ARB2A: variants seen among roughly 807,000 people sequenced by gnomAD.
ARB2A encodes the protein ARB2 cotranscriptional regulator A, also known as cotranscriptional regulator ARB2A.
At chr5:93,882,655 G>A in the ARB2A span, among the ~76,000 whole-genome samples, 2 of 151,164 alleles carry the variant, frequency 1.3e-5, no homozygotes, top group Non-Finnish European at 3.0e-5. Flanking sequence ...ACAAGCATGG[G>A]TAACACAAAT....
At chr5:94,091,429 G>C in the ARB2A span, among the ~76,000 whole-genome samples, 1 of 152,160 alleles carries the variant, frequency 6.6e-6, no homozygotes, top group Non-Finnish European at 1.5e-5. Flanking sequence ...CCACCTTGAA[G>C]AAAGTAGTTA....
At chr5:93,696,875 A>C in the ARB2A span, among the ~76,000 whole-genome samples, 132 of 152,098 alleles carry the variant, frequency 8.7e-4, 1 homozygote, top group African/African-American at 3.0e-3. Flanking sequence ...CAGCCTGGCC[A>C]ACATGGTGAA....
At chr5:93,824,104 C>G in the ARB2A span, 1 of 1,479,250 alleles carries the variant, frequency 6.8e-7, no homozygotes, top group Non-Finnish European at 9.0e-7. Flanking sequence ...AGGGGATAAA[C>G]CTACAAGGAG....
At chr5:93,928,754 G>C in the ARB2A span, among the ~76,000 whole-genome samples, 1 of 152,034 alleles carries the variant, frequency 6.6e-6, no homozygotes, top group South Asian at 2.1e-4. Flanking sequence ...TACAGATTTA[G>C]AATAGTATTT....
chr5:93,684,854 C>CA, the ARB2A span, among the ~76,000 whole-genome samples: 1 of 152,196 alleles, frequency 6.6e-6, no homozygotes, highest in Non-Finnish European at 1.5e-5. Flanking sequence ...AGGGGGTAAA[C>CA]AGTGCCACTC....
At chr5:93,627,111 T>G in the ARB2A span, among the ~76,000 whole-genome samples, 2 of 152,324 alleles carry the variant, frequency 1.3e-5, no homozygotes. Context: ...ACTCCTCATC[T>G]CTTAATGTTT....
chr5:93,853,028 A>T, the ARB2A span, among the ~76,000 whole-genome samples: 1 of 152,126 alleles, frequency 6.6e-6, no homozygotes, highest in Admixed American at 6.5e-5. Flanking sequence ...ATGGCATTGG[A>T]TCTATAAATT....
At chr5:93,836,278 C>T in the ARB2A span, among the ~76,000 whole-genome samples, 4 of 152,156 alleles carry the variant, frequency 2.6e-5, no homozygotes, top group African/African-American at 7.2e-5. Context: ...CCGCCCACCT[C>T]GGCCTCCCAA....
At chr5:93,886,271 A>G in the ARB2A span, among the ~76,000 whole-genome samples, 6 of 151,862 alleles carry the variant, frequency 4.0e-5, no homozygotes, top group East Asian at 1.2e-3. Flanking sequence ...ACCTGACAAT[A>G]CTGCAAGCCA....
chr5:93,895,294 G>A, the ARB2A span, among the ~76,000 whole-genome samples: 3 of 152,156 alleles, frequency 2.0e-5, no homozygotes, highest in Admixed American at 1.3e-4. Context: ...GATGTTTTCT[G>A]CTTTCCGAGT....
the ARB2A span, among the ~76,000 whole-genome samples, chr5:93,802,778 G>C: frequency 7.9e-5 from 12 of 152,076 alleles, no homozygotes; most frequent in South Asian, 2.3e-3. Context: ...AATAAATTCT[G>C]GTTAAAACAG....
chr5:94,017,550 T>C, the ARB2A span, among the ~76,000 whole-genome samples: 1 of 152,224 alleles, frequency 6.6e-6, no homozygotes, highest in Non-Finnish European at 1.5e-5. Flanking sequence ...TACCTAGTAC[T>C]GTAAAACAAG....
At chr5:94,062,187 T>C in the ARB2A span, among the ~76,000 whole-genome samples, 296 of 152,254 alleles carry the variant, frequency 1.9e-3, no homozygotes, top group Non-Finnish European at 3.4e-3. Context: ...TCTTCACAAA[T>C]GGTGCTGGTA....
chr5:94,064,996 G>C, the ARB2A span, among the ~76,000 whole-genome samples: 4 of 150,832 alleles, frequency 2.7e-5, no homozygotes, highest in East Asian at 7.7e-4. Flanking sequence ...AACAATAAGA[G>C]AAAAAGAAAA....
the ARB2A span, among the ~76,000 whole-genome samples, chr5:93,989,749 A>AT: frequency 6.6e-6 from 1 of 152,114 alleles, no homozygotes; most frequent in Non-Finnish European, 1.5e-5. Flanking sequence ...AACAGAGCCC[A>AT]TTTTTTTCTG....
the ARB2A span, among the ~76,000 whole-genome samples, chr5:93,680,899 A>C: frequency 1.3e-5 from 2 of 152,118 alleles, no homozygotes; most frequent in Admixed American, 1.3e-4. Flanking sequence ...ATTGTTTCTT[A>C]GATAGATTTA....
the ARB2A span, among the ~76,000 whole-genome samples, chr5:94,013,854 T>C: frequency 6.6e-6 from 1 of 152,042 alleles, no homozygotes; most frequent in South Asian, 2.1e-4. Context: ...GTCACAGAGA[T>C]GTAAGAGGTA....
At chr5:93,814,926 C>T in the ARB2A span, among the ~76,000 whole-genome samples, 1 of 152,324 alleles carries the variant, frequency 6.6e-6, no homozygotes, top group South Asian at 2.1e-4. Flanking sequence ...CAGTTTCAAA[C>T]TCCTGGGTTC....
At chr5:94,032,195 T>C in the ARB2A span, among the ~76,000 whole-genome samples, 3 of 152,148 alleles carry the variant, frequency 2.0e-5, no homozygotes, top group South Asian at 6.2e-4. Flanking sequence ...GTTAGGCTGT[T>C]TTTGCACTGC....
Sources: gnomAD v4.1 joint callset for allele counts (sites outside exome capture counted in the v4.1 genomes callset) on GRCh38, gnomAD v4.1.1 for gene constraint, MANE v1.5 for transcripts, NCBI Gene and HGNC (gene_info 2026-07-23, HGNC 2026-07-21) for gene names.